The following PDE11A variants were observed in gnomAD, a reference collection of about 807,000 sequenced individuals.
The protein encoded by PDE11A is dual 3',5'-cyclic-AMP and -GMP phosphodiesterase 11A.
PDE11A carries 100 observed loss-of-function variants against 100.5 expected under a neutral mutation model. The observed-to-expected ratio is 1.00, with a 90% CI of 0.85 to 1.18. The LOEUF (loss-of-function observed/expected upper bound fraction) is 1.18. Ranked by LOEUF, PDE11A falls within the 50% of genes most tolerant of loss-of-function variation. The pLI is 0.00. For synonymous variants in PDE11A, 381 were observed against 420.8 expected, an observed-to-expected ratio of 0.91 and a Z score of 1.16; for missense variants, 1,141 against 1,152.6, an observed-to-expected ratio of 0.99 and a Z score of 0.15.
At chr2:177,726,626 G>A (rs368446160) in intron 12 of PDE11A, among the ~76,000 whole-genome samples, 2 of 150,380 alleles carry the variant, frequency 1.3e-5, no homozygotes, top group East Asian at 3.9e-4. Flanking sequence ...CTTAAAGGAT[G>A]AGTAAAATTT....
chr2:177,868,432 C>G (rs375414586), intron 5 of PDE11A, among the ~76,000 whole-genome samples: 3 of 151,770 alleles, frequency 2.0e-5, no homozygotes, highest in African/African-American at 4.8e-5. Context: ...TGTTGTCAGC[C>G]CACTAAAAGA....
At position 177,743,920 on chromosome 2, in the gene PDE11A, G is replaced by A. The variant is rs141763214; in HGVS notation, c.1789-15748C>T. Among the ~76,000 whole-genome samples, 578 of 152,246 alleles carry A rather than the reference G, an allele frequency of 3.8e-3. 5 individuals are homozygous for A. Among genetic ancestry groups the A allele is most frequent in the African/African-American group, 0.013 (557 of 41,538 alleles). ...TAAAATCTCTGCCAGCCTTGACTGG[G>A]TGAGATAACTTTTGCTTTTTAGGTA... On this transcript the variant is annotated intron_variant, in intron 10 of 19. Coordinates refer to ENST00000286063, the MANE Select transcript of PDE11A (RefSeq NM_016953.4).
intron 1 of PDE11A, among the ~76,000 whole-genome samples, chr2:178,059,321 G>A (rs2086938454): frequency 2.6e-5 from 4 of 152,038 alleles, no homozygotes; most frequent in African/African-American, 9.7e-5. Flanking sequence ...TGGCCATCTT[G>A]GGATGTCCCC....
At chr2:178,077,260 C>CTTTTTTTTTTTTTTTTTTTTTTTTTT (rs57259393), upstream of PDE11A, among the ~76,000 whole-genome samples, 1 of 98,650 alleles carries the variant, frequency 1.0e-5, no homozygotes, top group African/African-American at 4.2e-5. Context: ...TTCTTTCTTT[C>CTTTTTTTTTTTTTTTTTTTTTTTTTT]TTTTTTTTTT....
intron 15 of PDE11A, among the ~76,000 whole-genome samples, chr2:177,690,715 G>A (rs1222215078): frequency 2.3e-5 from 3 of 129,094 alleles, no homozygotes; most frequent in African/African-American, 8.7e-5. Context: ...ATCACAAAGA[G>A]AGGTGGCAAA....
chr2:177,991,642 GATA>G (rs1487770994), intron 2 of PDE11A, among the ~76,000 whole-genome samples: 1 of 150,382 alleles, frequency 6.6e-6, no homozygotes, highest in Admixed American at 6.7e-5. Flanking sequence ...TTCAAAAAAT[GATA>G]ATAATAATAA....
rs528773438 is a variant in PDE11A, at chr2:177,958,418, A to G, written c.1072-53231T>C. Reference sequence around the variant, plus strand: ...TTGTGCAATTTTATTTAACTGTTGAACAAGTATATTTTATTTTGGATGTGG... The same window carrying G: ...TTGTGCAATTTTATTTAACTGTTGAGCAAGTATATTTTATTTTGGATGTGG... On this transcript the variant is annotated intron_variant, in intron 2 of 19. Transcript: ENST00000286063. 2.0e-5 allele frequency among the ~76,000 whole-genome samples: 3 copies of G among 152,320 alleles called. No individual in the cohort carries two copies. In the East Asian group the frequency reaches 5.8e-4, roughly 29 times the overall value.
intron 1 of PDE11A, among the ~76,000 whole-genome samples, chr2:178,046,743 G>T (rs909128773): frequency 6.6e-6 from 1 of 152,148 alleles, no homozygotes; most frequent in Non-Finnish European, 1.5e-5. Context: ...CTCGGTCAAT[G>T]TAACTATCCT....
intron 1 of PDE11A, among the ~76,000 whole-genome samples, chr2:178,065,143 G>A (rs1263482288): frequency 6.6e-6 from 1 of 152,104 alleles, no homozygotes; most frequent in Non-Finnish European, 1.5e-5. Context: ...TGATTAAACT[G>A]CCTTTATCTG....
At chr2:177,753,699 C>A (rs1372912828) in intron 10 of PDE11A, among the ~76,000 whole-genome samples, 1 of 151,620 alleles carries the variant, frequency 6.6e-6, no homozygotes, top group Non-Finnish European at 1.5e-5. Flanking sequence ...TGCTTCCACA[C>A]CAAAAGCCCT....
chr2:177,703,230 C>G (rs1328064737), intron 13 of PDE11A, among the ~76,000 whole-genome samples: 1 of 152,078 alleles, frequency 6.6e-6, no homozygotes, highest in African/African-American at 2.4e-5. Flanking sequence ...CCATTAGTAT[C>G]TACCATGCGG....
At chr2:177,744,408 G>A (rs2164857) in intron 10 of PDE11A, among the ~76,000 whole-genome samples, 2 of 151,282 alleles carry the variant, frequency 1.3e-5, no homozygotes, top group Non-Finnish European at 2.9e-5. Flanking sequence ...GACTTCTTTC[G>A]GATTCCTTTT....
intron 9 of PDE11A, among the ~76,000 whole-genome samples, chr2:177,784,040 A>C (rs1030736126): frequency 1.3e-5 from 2 of 151,982 alleles, no homozygotes; most frequent in Non-Finnish European, 2.9e-5. Context: ...CTATGCCTCC[A>C]GATCAGATAG....
chr2:177,734,382 C>T (rs548195209), intron 10 of PDE11A, among the ~76,000 whole-genome samples: 5 of 151,872 alleles, frequency 3.3e-5, no homozygotes, highest in African/African-American at 1.2e-4. Context: ...AGCAGAACAG[C>T]GATGTTATGA....
intron 2 of PDE11A, among the ~76,000 whole-genome samples, chr2:178,004,550 C>G (rs1359614020): frequency 1.3e-5 from 2 of 152,186 alleles, no homozygotes; most frequent in African/African-American, 4.8e-5. Context: ...TCTTTAATAA[C>G]AATTTTGCCT....
In PDE11A at chr2:177,905,117, T is replaced by C; in HGVS notation, c.1142A>G (p.Lys381Arg). 1 of 1,598,422 alleles carries C rather than the reference T, an allele frequency of 6.3e-7. No individual in the cohort carries two copies. The highest frequency in any genetic ancestry group is 8.6e-7 in the Non-Finnish European group (1 of 1,165,728). The part of the protein sequence containing the change: ...SNAQLFAASR[K>R]EYERSRALLE... ...ACTCACTCTGCTTCTTTCATATTCT[T>C]TCCTTGAGGCAGCAAAGAGCTGAGC... Residue 381 changes from lysine (K) to arginine (R), a missense_variant, in exon 3 of 20, where the codon AAA becomes AGA. Lys to Arg is a conservative substitution (Grantham distance 26). Transcript: ENST00000286063.
intron 15 of PDE11A, among the ~76,000 whole-genome samples, chr2:177,692,324 T>C (rs1050925468): frequency 6.6e-6 from 1 of 152,250 alleles, no homozygotes; most frequent in African/African-American, 2.4e-5. Context: ...TAGATCTCTC[T>C]GCCCACTCCA....
chr2:177,955,017 C>T (rs1574305487), intron 2 of PDE11A, among the ~76,000 whole-genome samples: 1 of 152,134 alleles, frequency 6.6e-6, no homozygotes, highest in Non-Finnish European at 1.5e-5. Context: ...ACCAGTGGAG[C>T]ATAATTCAAT....
At chr2:177,760,848 G>T (rs970917096) in intron 10 of PDE11A, among the ~76,000 whole-genome samples, 1 of 152,110 alleles carries the variant, frequency 6.6e-6, no homozygotes, top group African/African-American at 2.4e-5. Flanking sequence ...GAGACCAAGA[G>T]AATTATGATT....
Sources: allele counts gnomAD v4.1 joint callset (sites outside exome capture counted in the v4.1 genomes callset), GRCh38; gene constraint gnomAD v4.1.1; transcripts MANE v1.5; gene names NCBI Gene and HGNC (gene_info 2026-07-23, HGNC 2026-07-21).